Variants in TIAM1 observed in about 807,000 individuals in gnomAD.
TIAM1 encodes TIAM Rac1 associated GEF 1.
A neutral mutation model predicts 163.5 loss-of-function variants in TIAM1; 65 were observed. The ratio of observed to expected loss-of-function variants is 0.40; its 90% CI spans 0.33 to 0.49. The LOEUF is 0.49. Among genes scored for constraint, TIAM1 ranks in the 20% least tolerant of loss-of-function variants. TIAM1 has a pLI of 0.77. For missense variants in TIAM1, 1,789 were observed against 2,044.7 expected (o/e 0.87, Z 2.41); for synonymous variants, 833 against 810.1 (o/e 1.03, Z -0.48).
intron 1 of TIAM1, among the ~76,000 whole-genome samples, chr21:31,505,724 G>A (rs548002605): frequency 1.3e-5 from 2 of 152,264 alleles, no homozygotes; most frequent in Non-Finnish European, 2.9e-5. Flanking sequence ...ATGCCAGGCC[G>A]GGCACGGCAT....
chr21:31,333,130 A>G (rs893780724), intron 2 of TIAM1, among the ~76,000 whole-genome samples: 2 of 152,170 alleles, frequency 1.3e-5, no homozygotes, highest in African/African-American at 4.8e-5. Flanking sequence ...ACTGTTCACT[A>G]CTTGAGCTAC....
At chr21:31,176,068 T>A (rs984800436) in intron 15 of TIAM1, among the ~76,000 whole-genome samples, 1 of 152,196 alleles carries the variant, frequency 6.6e-6, no homozygotes, top group Non-Finnish European at 1.5e-5. Context: ...CTTTTGGCAA[T>A]GTCTGAAGAT....
intron 1 of TIAM1, among the ~76,000 whole-genome samples, chr21:31,489,391 A>C (rs1331191824): frequency 2.7e-5 from 1 of 37,508 alleles, no homozygotes; most frequent in Non-Finnish European, 4.7e-5. Flanking sequence ...GGAGGAGGAG[A>C]GGGAGGGGAG....
At chr21:31,315,166 T>A (rs1197608949) in intron 2 of TIAM1, among the ~76,000 whole-genome samples, 1 of 151,448 alleles carries the variant, frequency 6.6e-6, no homozygotes, top group African/African-American at 2.4e-5. Context: ...AAGTCAAGAG[T>A]TGGAGACCAG....
intron 2 of TIAM1, among the ~76,000 whole-genome samples, chr21:31,394,708 GCT>G (rs954246497): frequency 0.013 from 1,328 of 105,290 alleles, 10 homozygotes; most frequent in Non-Finnish European, 0.018. Flanking sequence ...TCTCTCTCTC[GCT>G]CTCTCTCTCT....
intron 6 of TIAM1, among the ~76,000 whole-genome samples, chr21:31,241,612 G>A (rs184562438): frequency 1.1e-3 from 160 of 152,220 alleles, no homozygotes; most frequent in Non-Finnish European, 2.0e-3. Flanking sequence ...AATCCTGGAG[G>A]ATGGGAGGTG....
At chr21:31,352,067 CAAA>C (rs59844425) in intron 2 of TIAM1, among the ~76,000 whole-genome samples, 1 of 126,364 alleles carries the variant, frequency 7.9e-6, no homozygotes. Context: ...GAGTCTGTCT[CAAA>C]AAAAAAAAAA....
intron 2 of TIAM1, among the ~76,000 whole-genome samples, chr21:31,460,773 C>T (rs1292037406): frequency 6.6e-6 from 1 of 152,214 alleles, no homozygotes; most frequent in African/African-American, 2.4e-5. Flanking sequence ...TATCTGAATG[C>T]ATTATAAAAC....
intron 2 of TIAM1, among the ~76,000 whole-genome samples, chr21:31,327,419 C>T (rs889490954): frequency 6.6e-6 from 1 of 151,926 alleles, no homozygotes; most frequent in Non-Finnish European, 1.5e-5. Context: ...GTGGGCAGAT[C>T]ATTTGAGGTC....
chr21:31,360,590 C>G (rs533654879), intron 2 of TIAM1, among the ~76,000 whole-genome samples: 36 of 151,826 alleles, frequency 2.4e-4, no homozygotes, highest in Non-Finnish European at 4.3e-4. Flanking sequence ...AAAAAATAAA[C>G]AAGACAATAA....
intron 2 of TIAM1, among the ~76,000 whole-genome samples, chr21:31,407,629 ATTTTTTTT>A (rs562921160): frequency 1.6e-4 from 15 of 94,086 alleles, no homozygotes; most frequent in African/African-American, 2.5e-4. Context: ...TTTGCTCTTA[ATTTTTTTT>A]TTTTTTTTTT....
chr21:31,223,099 C>T (rs1026951620), intron 8 of TIAM1, among the ~76,000 whole-genome samples: 45 of 152,140 alleles, frequency 3.0e-4, no homozygotes, highest in African/African-American at 1.0e-3. Context: ...ATTTGGGTTC[C>T]AAACATGACA....
intron 2 of TIAM1, among the ~76,000 whole-genome samples, chr21:31,286,912 AT>A (rs1379832618): frequency 3.3e-5 from 5 of 152,120 alleles, no homozygotes; most frequent in African/African-American, 1.2e-4. Flanking sequence ...TTGGTCCCAA[AT>A]TCTCCTTTAG....
Position 31,153,060 on chromosome 21 carries a change from G to T in TIAM1, c.3240+6C>A. ...GGTCACAAAGTTGAAACCATTTCCA[G>T]CATACCTCATCCTGGGTGAGAAAAG... On this transcript the variant is annotated splice_donor_region_variant and intron_variant, in intron 18 of 27. Coordinates refer to ENST00000541036, the MANE Select transcript of TIAM1 (RefSeq NM_001353694.2). 6.2e-7 allele frequency: 1 copy of T among 1,612,604 alleles called. No individual in the cohort carries two copies. The highest frequency in any genetic ancestry group is 8.5e-7 in the Non-Finnish European group (1 of 1,179,494).
At position 31,353,010 on chromosome 21, in the gene TIAM1, G is replaced by C. The variant is rs111263899; in HGVS notation, c.-368-13588C>G. ...CACGCCCAGATAAGTGATTTTCTCTGATTGTAAGAGATAAAATGACATTGC... is the reference window on the plus strand; with the variant it reads ...CACGCCCAGATAAGTGATTTTCTCTCATTGTAAGAGATAAAATGACATTGC... On this transcript the variant is annotated intron_variant, in intron 2 of 28. Transcript: ENST00000286827. 5.9e-4 allele frequency among the ~76,000 whole-genome samples: 90 copies of C among 152,146 alleles called. 1 individual carries two copies. Among genetic ancestry groups the C allele is most frequent in the African/African-American group, 1.8e-3 (76 of 41,508 alleles).
intron 2 of TIAM1, among the ~76,000 whole-genome samples, chr21:31,307,119 T>C (rs1011362123): frequency 6.6e-6 from 1 of 152,200 alleles, no homozygotes; most frequent in Admixed American, 6.5e-5. Context: ...AAAACAGATA[T>C]GGATAACTGA....
intron 2 of TIAM1, among the ~76,000 whole-genome samples, chr21:31,372,356 T>C (rs549193630): frequency 1.3e-5 from 2 of 152,292 alleles, no homozygotes; most frequent in East Asian, 3.9e-4. Context: ...TCACATTAAT[T>C]AGTCTGACTC....
At chr21:31,381,311 TAAG>T in intron 2 of TIAM1, among the ~76,000 whole-genome samples, 1 of 151,994 alleles carries the variant, frequency 6.6e-6, no homozygotes, top group South Asian at 2.1e-4. Flanking sequence ...AGTGCTCTTA[TAAG>T]AAGAGACACT....
At chr21:31,265,763 T>TC (rs1490684832) in intron 4 of TIAM1, among the ~76,000 whole-genome samples, 8 of 152,136 alleles carry the variant, frequency 5.3e-5, no homozygotes, top group African/African-American at 1.7e-4. Context: ...CTAGCTTTTT[T>TC]CCCACTCCTA....
Sources: allele counts gnomAD v4.1 joint callset (sites outside exome capture counted in the v4.1 genomes callset), GRCh38; gene constraint gnomAD v4.1.1; transcripts MANE v1.5; gene names NCBI Gene and HGNC (gene_info 2026-07-23, HGNC 2026-07-21).